The following ATP13A5 variants were observed in gnomAD, a reference collection of about 807,000 sequenced individuals.
ATP13A5 encodes ATPase 13A5, also known as probable cation-transporting ATPase 13A5.
In ATP13A5, 149 loss-of-function variants were observed where a neutral mutation model predicts 150.2. The ratio of observed to expected loss-of-function variants is 0.99; its 90% confidence interval spans 0.87 to 1.14. The LOEUF is 1.14. ATP13A5 is among the 50% of genes most tolerant of loss of function. The probability of loss-of-function intolerance (pLI) is 0.00; values close to 1 mark genes in which losing one functional copy is unlikely to be tolerated. For missense variants in ATP13A5, 1,383 were observed against 1,449.3 expected, an observed-to-expected ratio of 0.95 and a Z score of 0.74; for synonymous variants, 497 against 522.2, an observed-to-expected ratio of 0.95 and a Z score of 0.66.
In ATP13A5 at chr3:193,362,421, T is replaced by C; in HGVS notation, c.496A>G (p.Thr166Ala). ...TCACTGGTCAGACCCAATCCAAATG[T>C]CTGATGGATGTCAGAGCAGGAATTG... ...DSNSCSDIHQTFGLGLTSEEQ... is the reference protein window; with the variant it reads ...DSNSCSDIHQAFGLGLTSEEQ... The change falls in exon 5 of 30, where the codon ACA (threonine) becomes GCA (alanine). Residue 166 changes from threonine to alanine, a missense_variant. Around this residue, in one of 3 missense-constraint regions of ATP13A5, gnomAD observed 787 missense variants for 771.9 expected, o/e 1.02. Transcript: ENST00000342358. 6.2e-7 allele frequency: 1 copy of C among 1,614,114 alleles called. No homozygotes were observed. Among genetic ancestry groups the C allele is most frequent in the Non-Finnish European group, 8.5e-7 (1 of 1,179,978 alleles).
chr3:193,343,241 A>G (rs1257387493), intron 9 of ATP13A5, among the ~76,000 whole-genome samples: 1 of 152,162 alleles, frequency 6.6e-6, no homozygotes, highest in Non-Finnish European at 1.5e-5. Context: ...CTCTCATTAC[A>G]ATGTGCTGTG....
At chr3:193,308,390 C>T (rs1036545172) in intron 21 of ATP13A5, among the ~76,000 whole-genome samples, 7 of 152,020 alleles carry the variant, frequency 4.6e-5, no homozygotes, top group African/African-American at 1.7e-4. Context: ...ACCTTGGAAG[C>T]GGAGGCTGCG....
At chr3:193,358,615 T>G (rs1712882845) in intron 5 of ATP13A5, among the ~76,000 whole-genome samples, 1 of 152,188 alleles carries the variant, frequency 6.6e-6, no homozygotes, top group Non-Finnish European at 1.5e-5. Flanking sequence ...GTTATTTTAG[T>G]TTTTTACATT....
In ATP13A5 at chr3:193,324,872, T is replaced by C. The variant is rs974007868; in HGVS notation, c.1666A>G (p.Thr556Ala). ...DPLDLKMFEG[T>A]AWKMEDCIVD... ...TTAAACTATCACCTTACCCAGGCAG[T>C]GCCCTCAAACATTTTGAGGTCCAGA... Residue 556 changes from threonine to alanine, a missense_variant, in exon 14 of 30, where the codon ACT (threonine) becomes GCT (alanine). By Grantham distance (58) the Thr-to-Ala change is moderately conservative (BLOSUM62 0). Transcript: ENST00000342358. 6.2e-7 allele frequency: 1 copy of C among 1,613,908 alleles called. No individual in the cohort carries two copies. The highest frequency in any genetic ancestry group is 1.3e-5 in the African/African-American group (1 of 75,052).
chr3:193,295,592 A>C (rs1254310953), intron 25 of ATP13A5, among the ~76,000 whole-genome samples: 1 of 152,112 alleles, frequency 6.6e-6, no homozygotes, highest in Non-Finnish European at 1.5e-5. Flanking sequence ...TGGCTAATAT[A>C]CAGTGAGAGA....
chr3:193,290,090 C>A, intron 25 of ATP13A5, 31 bp from the exon 26 acceptor site: 1 of 1,562,506 alleles, frequency 6.4e-7, no homozygotes, highest in Non-Finnish European at 8.6e-7. Context: ...TTTCCTATTA[C>A]AATCTTATCA....
intron 17 of ATP13A5, among the ~76,000 whole-genome samples, chr3:193,315,426 G>T (rs971763216): frequency 2.6e-5 from 4 of 151,982 alleles, no homozygotes; most frequent in African/African-American, 9.7e-5. Flanking sequence ...TCAGTGCTTT[G>T]TCTTTTTTGA....
chr3:193,327,137 CTAAGA>C (rs1577351846), intron 12 of ATP13A5, 80 bp from the exon 13 acceptor site: 2 of 1,239,802 alleles, frequency 1.6e-6, no homozygotes, highest in East Asian at 5.2e-5. Context: ...ACCCAAGTTT[CTAAGA>C]TATTATAGTA....
intron 5 of ATP13A5, among the ~76,000 whole-genome samples, chr3:193,354,940 C>CTTTTTTTTT (rs545467259): frequency 4.7e-5 from 6 of 127,962 alleles, no homozygotes; most frequent in African/African-American, 6.0e-5. Context: ...AACAATGTAA[C>CTTTTTTTTT]TTTTTTTTTG....
rs76759970 is a variant in ATP13A5 at position 193,364,220 on chromosome 3, G to A, written c.124C>T (p.Leu42=). 1 of 1,614,134 alleles carries A rather than the reference G, an allele frequency of 6.2e-7. No individual in the cohort carries two copies. Among genetic ancestry groups the A allele is most frequent in the Non-Finnish European group, 8.5e-7 (1 of 1,179,972 alleles). The change falls in exon 2 of 30, where the codon CTG becomes TTG. Residue 42 remains leucine (L), a synonymous_variant. Transcript: ENST00000342358. ...RKAFCLVASV[L]TCGGLLLVFY... is the part of the protein sequence containing the mutation. ...ACCAGCAGAAGGCCCCCACAGGTCA[G>A]CACGGATGCGACAAGGCAGAAGGCT...
chr3:193,305,715 T>G (rs1234351618), intron 22 of ATP13A5, 47 bp from the exon 23 acceptor site: 1 of 1,524,714 alleles, frequency 6.6e-7, no homozygotes, highest in East Asian at 2.3e-5. Context: ...CAGGTTAGGC[T>G]TTACCTCTTA....
In ATP13A5 at chr3:193,275,113, C is replaced by T; in HGVS notation, c.3586G>A (p.Glu1196Lys). 1.9e-6 allele frequency: 3 copies of T among 1,614,174 alleles called. No individual in the cohort carries two copies. The highest frequency in any genetic ancestry group is 2.5e-6 in the Non-Finnish European group (3 of 1,180,034). ...FYINGGYESH[E>K]QIPKRKLKLG... The stretch of plus-strand genomic sequence containing the variant: ...TTGAGTTTTCTTTTTGGAATCTGTT[C>T]ATGGCTTTCATAGCCTCCGTTGATG... The change falls in exon 30 of 30, where the codon GAA becomes AAA. Residue 1196 changes from glutamate to lysine, a missense_variant. This residue lies in a region of ATP13A5 where 568 missense variants were observed against 621.5 expected (regional missense o/e 0.91). Coordinates refer to ENST00000342358, the MANE Select transcript of ATP13A5 (RefSeq NM_198505.4).
chr3:193,321,863 C>T (rs764921629), intron 15 of ATP13A5, 26 bp from the exon 16 acceptor site: 20 of 1,607,854 alleles, frequency 1.2e-5, no homozygotes, highest in Non-Finnish European at 1.5e-5. Context: ...CAACAGGGAG[C>T]TTAACAAGCT....
At chr3:193,327,149 A>G (rs2108868530) in intron 12 of ATP13A5, 92 bp from the exon 13 acceptor site, 1 of 1,086,054 alleles carries the variant, frequency 9.2e-7, no homozygotes. Context: ...AAGATATTAT[A>G]GTAGATCCAG....
At chr3:193,374,301 C>CAGAGAG (rs4019161) in intron 1 of ATP13A5, among the ~76,000 whole-genome samples, 3 of 144,226 alleles carry the variant, frequency 2.1e-5, no homozygotes, top group African/African-American at 7.7e-5. Flanking sequence ...CACACACACA[C>CAGAGAG]AGAGAGAGAG....
intron 19 of ATP13A5, chr3:193,313,240 G>GCCCTTCC (rs1718920471): frequency 6.6e-6 from 1 of 152,232 alleles, no homozygotes; most frequent in South Asian, 2.1e-4. Context: ...CAGGGTAGGG[G>GCCCTTCC]CAGGGCCATT....
At chr3:193,316,522 G>T (rs941943174) in intron 17 of ATP13A5, among the ~76,000 whole-genome samples, 3 of 152,048 alleles carry the variant, frequency 2.0e-5, no homozygotes, top group Non-Finnish European at 4.4e-5. Flanking sequence ...ATCCTTACAG[G>T]TATGAGGTGG....
intron 26 of ATP13A5, among the ~76,000 whole-genome samples, chr3:193,288,668 G>A (rs953111979): frequency 9.2e-5 from 14 of 152,030 alleles, no homozygotes; most frequent in African/African-American, 3.1e-4. Flanking sequence ...TCACTTTATC[G>A]TGGTAGACTG....
At chr3:193,345,420 A>C (rs1281087329) in intron 7 of ATP13A5, among the ~76,000 whole-genome samples, 1 of 152,210 alleles carries the variant, frequency 6.6e-6, no homozygotes, top group Non-Finnish European at 1.5e-5. Context: ...AGTGATTCGC[A>C]TATCAGGCAG....
Sources: gnomAD v4.1 joint callset for allele counts (sites outside exome capture counted in the v4.1 genomes callset) on GRCh38, gnomAD v4.1.1 for gene constraint, gnomAD v4.1.1 regional missense constraint, MANE v1.5 for transcripts, NCBI Gene and HGNC (gene_info 2026-07-23, HGNC 2026-07-21) for gene names.